Variants in ATF6 observed in about 807,000 individuals in gnomAD.
ATF6 encodes the protein activating transcription factor 6.
ATF6 carries 53 observed loss-of-function variants against 83.6 expected under a neutral mutation model. The ratio of observed to expected loss-of-function variants is 0.63; its 90% CI spans 0.51 to 0.80. The LOEUF is 0.80. Among genes scored for constraint, ATF6 ranks in the 30% least tolerant of loss-of-function variants. The pLI, the probability that ATF6 is intolerant of heterozygous loss-of-function variation, is 0.00. For synonymous variants in ATF6, 288 were observed against 285.8 expected (o/e 1.01, Z -0.08); for missense variants, 744 against 797.9 (o/e 0.93, Z 0.81).
chr1:161,812,226 A>G (rs1480544678), intron 7 of ATF6, among the ~76,000 whole-genome samples: 1 of 152,136 alleles, frequency 6.6e-6, no homozygotes, highest in Non-Finnish European at 1.5e-5. Flanking sequence ...CAGAGTGCTC[A>G]GAGGAATGTT....
chr1:161,823,680 G>A (rs1685816474), intron 9 of ATF6, among the ~76,000 whole-genome samples: 1 of 152,126 alleles, frequency 6.6e-6, no homozygotes, highest in Non-Finnish European at 1.5e-5. Flanking sequence ...ACAGGATCTG[G>A]CAGGATTATC....
intron 1 of ATF6, among the ~76,000 whole-genome samples, chr1:161,768,597 T>TC (rs1362606983): frequency 1.3e-5 from 2 of 152,178 alleles, no homozygotes; most frequent in Non-Finnish European, 2.9e-5. Context: ...AGGGTCTTGC[T>TC]CTGTCGCCCA....
At chr1:161,782,725 C>T (rs1684665575) in intron 3 of ATF6, among the ~76,000 whole-genome samples, 2 of 152,176 alleles carry the variant, frequency 1.3e-5, no homozygotes, top group African/African-American at 4.8e-5. Flanking sequence ...TATGTATTTA[C>T]TTATACTGTT....
chr1:161,819,749 C>T lies in ATF6; in HGVS notation c.1026C>T (p.Leu342=), dbSNP rs2101783243. The change falls in exon 8 of 16, where the codon CTC becomes CTT. Residue 342 remains leucine (L), a synonymous_variant. Coordinates refer to ENST00000367942, the MANE Select transcript of ATF6 (RefSeq NM_007348.4). ...TAGAGGCGAGATTAAAGGCTGCCCTCTCAGAAAACGAGCAACTGAAGAAAG... is the reference window on the plus strand; with the variant it reads ...TAGAGGCGAGATTAAAGGCTGCCCTTTCAGAAAACGAGCAACTGAAGAAAG... ...LGLEARLKAA[L]SENEQLKKEN... The T allele has an allele frequency of 6.2e-7, 1 of 1,612,580 alleles. No homozygotes were observed. The highest frequency in any genetic ancestry group is 8.5e-7 in the Non-Finnish European group (1 of 1,179,416).
chr1:161,808,163 A>G (rs979201953), intron 7 of ATF6, among the ~76,000 whole-genome samples: 11 of 152,132 alleles, frequency 7.2e-5, no homozygotes, highest in Admixed American at 5.2e-4. Context: ...TATAGGCATG[A>G]GCCACTGCGC....
chr1:161,899,796 C>T (rs146783307), intron 14 of ATF6, among the ~76,000 whole-genome samples: 138 of 152,190 alleles, frequency 9.1e-4, no homozygotes, highest in Non-Finnish European at 1.7e-3. Flanking sequence ...GTTATTGAAC[C>T]TATGACCTAT....
At chr1:161,853,613 A>G (rs1363307178) in intron 12 of ATF6, among the ~76,000 whole-genome samples, 1 of 152,210 alleles carries the variant, frequency 6.6e-6, no homozygotes, top group Non-Finnish European at 1.5e-5. Context: ...ATGGATATCT[A>G]TATCAAATGT....
chr1:161,874,934 C>A (rs1257982907), intron 14 of ATF6, among the ~76,000 whole-genome samples: 1 of 151,668 alleles, frequency 6.6e-6, no homozygotes, highest in Non-Finnish European at 1.5e-5. Flanking sequence ...TTTCAGGCTC[C>A]TATTTTGCCA....
chr1:161,950,636 A>G (rs1302615789), intron 15 of ATF6, among the ~76,000 whole-genome samples: 1 of 152,184 alleles, frequency 6.6e-6, no homozygotes, highest in East Asian at 1.9e-4. Context: ...ACCCCAGGCT[A>G]AACCTCCAAG....
intron 14 of ATF6, among the ~76,000 whole-genome samples, chr1:161,897,741 G>A (rs1447672183): frequency 6.6e-6 from 1 of 152,046 alleles, no homozygotes. Context: ...GAAGACTTAG[G>A]GTGAAGAAAA....
chr1:161,893,175 T>C (rs923440264), intron 14 of ATF6, among the ~76,000 whole-genome samples: 1 of 151,210 alleles, frequency 6.6e-6, no homozygotes, highest in African/African-American at 2.4e-5. Flanking sequence ...TCTTTCTTTC[T>C]TTTTTTTTGA....
intron 9 of ATF6, among the ~76,000 whole-genome samples, chr1:161,831,250 A>T (rs904372927): frequency 6.6e-6 from 1 of 152,250 alleles, no homozygotes; most frequent in African/African-American, 2.4e-5. Context: ...ATGAGATACC[A>T]TCTCACACCA....
At chr1:161,790,447 C>T (rs1684849205) in intron 4 of ATF6, among the ~76,000 whole-genome samples, 1 of 152,062 alleles carries the variant, frequency 6.6e-6, no homozygotes, top group South Asian at 2.1e-4. Context: ...TATTAAAAGA[C>T]TTTGGGAAAA....
chr1:161,831,821 G>A (rs1686068446), intron 9 of ATF6, among the ~76,000 whole-genome samples: 1 of 151,226 alleles, frequency 6.6e-6, no homozygotes, highest in African/African-American at 2.4e-5. Flanking sequence ...GGGAGGGATA[G>A]CATTCAGAGA....
intron 2 of ATF6, among the ~76,000 whole-genome samples, chr1:161,779,091 G>A (rs551000956): frequency 7.9e-5 from 12 of 152,136 alleles, no homozygotes; most frequent in African/African-American, 9.6e-5. Flanking sequence ...ACCATTAATC[G>A]ACAGAAGAGA....
At chr1:161,770,518 C>T (rs1684359001) in intron 1 of ATF6, among the ~76,000 whole-genome samples, 1 of 152,206 alleles carries the variant, frequency 6.6e-6, no homozygotes, top group Non-Finnish European at 1.5e-5. Context: ...TGTGTCCTCA[C>T]ATGGCACTGA....
chr1:161,774,444 CAT>C (rs952365108), intron 1 of ATF6, among the ~76,000 whole-genome samples: 40 of 151,408 alleles, frequency 2.6e-4, no homozygotes, highest in Middle Eastern at 3.4e-3. Flanking sequence ...CACATACACA[CAT>C]ATATATACAT....
chr1:161,928,552 C>A (rs540611880), intron 15 of ATF6, among the ~76,000 whole-genome samples: 2 of 152,164 alleles, frequency 1.3e-5, no homozygotes, highest in African/African-American at 4.8e-5. Flanking sequence ...TTCATTCCAT[C>A]CAAATTTAGC....
intron 10 of ATF6, among the ~76,000 whole-genome samples, chr1:161,848,404 TC>T (rs1438165338): frequency 6.6e-6 from 1 of 152,162 alleles, no homozygotes; most frequent in East Asian, 1.9e-4. Flanking sequence ...ACTTTATGTT[TC>T]TTTTTCTAAG....
Sources: allele counts gnomAD v4.1 joint callset (sites outside exome capture counted in the v4.1 genomes callset), GRCh38; gene constraint gnomAD v4.1.1; transcripts MANE v1.5; gene names NCBI Gene and HGNC (gene_info 2026-07-23, HGNC 2026-07-21).